Variants in PPP6R3 observed in about 807,000 individuals in gnomAD.
PPP6R3 encodes the protein protein phosphatase 6 regulatory subunit 3.
PPP6R3 carries 38 observed loss-of-function variants against 110.7 expected under a neutral mutation model. The ratio of observed to expected loss-of-function variants is 0.34; its 90% CI spans 0.26 to 0.45. The LOEUF (loss-of-function observed/expected upper bound fraction) is 0.45, where lower values mean the gene tolerates loss of function less well. PPP6R3 is among the 20% of genes least tolerant of loss of function. PPP6R3 has a pLI of 1.00. For missense variants in PPP6R3, 870 were observed against 1,062.4 expected (o/e 0.82, Z 2.52); for synonymous variants, 369 against 373.5 (o/e 0.99, Z 0.14).
intron 5 of PPP6R3, among the ~76,000 whole-genome samples, chr11:68,548,956 T>G (rs1218271253): frequency 6.6e-6 from 1 of 152,176 alleles, no homozygotes; most frequent in Non-Finnish European, 1.5e-5. Flanking sequence ...AGTGGCGTGA[T>G]CTCGGCTCAC....
intron 1 of PPP6R3, among the ~76,000 whole-genome samples, chr11:68,462,604 A>T (rs1031951300): frequency 3.9e-5 from 6 of 152,328 alleles, no homozygotes; most frequent in Non-Finnish European, 7.3e-5. Flanking sequence ...TTCAGCAAAG[A>T]TAGTTTGGGA....
chr11:68,542,097 C>G (rs1348885661), intron 3 of PPP6R3, among the ~76,000 whole-genome samples: 1 of 150,158 alleles, frequency 6.7e-6, no homozygotes, highest in Non-Finnish European at 1.5e-5. Context: ...ACAGAGGAAA[C>G]ACAGCCAGTG....
intron 1 of PPP6R3, among the ~76,000 whole-genome samples, chr11:68,511,606 G>C (rs1484983972): frequency 5.3e-5 from 8 of 151,082 alleles, no homozygotes; most frequent in Middle Eastern, 7.1e-3. Flanking sequence ...TCAGCTTCCT[G>C]AGTAGCTGGG....
At chr11:68,481,656 C>T (rs55975204) in intron 1 of PPP6R3, among the ~76,000 whole-genome samples, 19,792 of 152,204 alleles carry the variant, frequency 0.13, 1,405 homozygotes, top group Admixed American at 0.16. Context: ...AGTCCATTCT[C>T]TGTTTACCAT....
Position 68,474,411 on chromosome 11 carries a change from C to T in PPP6R3, c.-158+13584C>T, listed in dbSNP as rs537235651. On this transcript the variant is annotated intron_variant, in intron 1 of 23. Coordinates refer to ENST00000393800, the MANE Select transcript of PPP6R3 (RefSeq NM_001164161.2). ...TATTTAGAGGAAAGCTCACTTAAAT[C>T]TTTTGTCCTTGCTTTTTTTTCAAAA... Among the ~76,000 whole-genome samples, 3 of 152,188 alleles carry T rather than the reference C, an allele frequency of 2.0e-5. No individual in the cohort carries two copies. In the South Asian group the frequency reaches 6.2e-4, roughly 32 times the overall value.
chr11:68,549,761 A>G (rs1232688532), intron 5 of PPP6R3, among the ~76,000 whole-genome samples: 1 of 152,162 alleles, frequency 6.6e-6, no homozygotes, highest in Non-Finnish European at 1.5e-5. Context: ...CTGGTTTCCA[A>G]AGGAATCAGT....
chr11:68,598,148 A>G (rs755019845), intron 19 of PPP6R3, among the ~76,000 whole-genome samples: 7 of 152,148 alleles, frequency 4.6e-5, no homozygotes, highest in Non-Finnish European at 1.0e-4. Context: ...GGGGTTGACT[A>G]GTCTAGGGAT....
chr11:68,521,509 C>T (rs535225052), intron 2 of PPP6R3, among the ~76,000 whole-genome samples: 12 of 152,254 alleles, frequency 7.9e-5, no homozygotes, highest in African/African-American at 2.6e-4. Context: ...CATCTCTGCT[C>T]GTCAGCATGC....
At chr11:68,573,124 A>ATATATATATATATATATG (rs1593367880) in intron 12 of PPP6R3, among the ~76,000 whole-genome samples, 1 of 62,472 alleles carries the variant, frequency 1.6e-5, no homozygotes, top group East Asian at 4.2e-4. Context: ...TTATATATAT[A>ATATATATATATATATATG]TATATATATA....
rs573066119 is a variant in PPP6R3, at chr11:68,571,343, G to C, written c.1343+239G>C. ...TGAGTTCGGAGTGTTCCCCACCTCTGTGCTGCCTTTGAAACTTCCTGGTCC... is the reference window on the plus strand; with the variant it reads ...TGAGTTCGGAGTGTTCCCCACCTCTCTGCTGCCTTTGAAACTTCCTGGTCC... On this transcript the variant is annotated intron_variant, in intron 12 of 23. Coordinates refer to ENST00000393800, the MANE Select transcript of PPP6R3 (RefSeq NM_001164161.2). 2.3e-4 allele frequency: 107 copies of C among 456,408 alleles called. No homozygotes were observed. In the South Asian group the frequency reaches 3.0e-3, roughly 13 times the overall value. 28.3% of individuals were successfully genotyped at this position (456,408 alleles called of 1,614,324 possible).
At chr11:68,582,338 C>A (rs1307663066) in intron 14 of PPP6R3, among the ~76,000 whole-genome samples, 1 of 152,236 alleles carries the variant, frequency 6.6e-6, no homozygotes, top group Admixed American at 6.5e-5. Flanking sequence ...ATTGTTAATG[C>A]TTCCCCCAAA....
At chr11:68,495,367 C>T (rs2099009178) in intron 1 of PPP6R3, among the ~76,000 whole-genome samples, 1 of 152,212 alleles carries the variant, frequency 6.6e-6, no homozygotes, top group Non-Finnish European at 1.5e-5. Flanking sequence ...ATAACTCACC[C>T]ACTTAACGCA....
At chr11:68,521,405 A>G (rs1407924145) in intron 2 of PPP6R3, among the ~76,000 whole-genome samples, 1 of 151,960 alleles carries the variant, frequency 6.6e-6, no homozygotes, top group Admixed American at 6.6e-5. Context: ...CTCCTTGTTT[A>G]TTTTGTTTTT....
chr11:68,537,653 GTTTAGACCAGCATGT>G lies in PPP6R3; in HGVS notation c.-6-2_7del. On this transcript the variant is annotated splice_acceptor_variant and splice_polypyrimidine_tract_variant and coding_sequence_variant and 5_prime_UTR_variant and intron_variant, in exon 3 of 24. Coordinates refer to ENST00000393800, the MANE Select transcript of PPP6R3 (RefSeq NM_001164161.2). LOFTEE classifies it high-confidence loss of function. The stretch of plus-strand genomic sequence containing the variant: ...TTTTATGAAATACTTTCTGCATTTT[GTTTAGACCAGCATGT>G]TTTGGAAATTTGATCTTCACTCATC... 1 of 1,509,918 alleles carries G rather than the reference GTTTAGACCAGCATGT, an allele frequency of 6.6e-7. No individual in the cohort carries two copies. Among genetic ancestry groups the G allele is most frequent in the Non-Finnish European group, 9.1e-7 (1 of 1,102,300 alleles). The allele number at this position is 1,509,918 out of a possible 1,614,324, so 93.5% of individuals were successfully genotyped here.
chr11:68,498,871 A>G (rs1419164254), intron 1 of PPP6R3, among the ~76,000 whole-genome samples: 1 of 152,224 alleles, frequency 6.6e-6, no homozygotes, highest in Non-Finnish European at 1.5e-5. Context: ...ATAGAGGTAT[A>G]TGTATAGTAG....
At chr11:68,528,886 A>G (rs901584964) in intron 2 of PPP6R3, among the ~76,000 whole-genome samples, 1 of 152,296 alleles carries the variant, frequency 6.6e-6, no homozygotes, top group Admixed American at 6.5e-5. Flanking sequence ...CTCAGCCTCC[A>G]GGTGTCTGGA....
intron 2 of PPP6R3, among the ~76,000 whole-genome samples, chr11:68,532,753 T>G (rs1162308373): frequency 1.3e-5 from 2 of 152,232 alleles, no homozygotes; most frequent in Non-Finnish European, 2.9e-5. Flanking sequence ...GTAGTGTCTG[T>G]TCAGATACAC....
chr11:68,534,174 C>T (rs930897716), intron 2 of PPP6R3, among the ~76,000 whole-genome samples: 2 of 152,290 alleles, frequency 1.3e-5, no homozygotes, highest in Non-Finnish European at 2.9e-5. Context: ...GTCAGCACCT[C>T]ACTGGGCAGG....
intron 2 of PPP6R3, among the ~76,000 whole-genome samples, chr11:68,531,227 G>A (rs1296133764): frequency 1.3e-5 from 2 of 152,042 alleles, no homozygotes; most frequent in East Asian, 1.9e-4. Flanking sequence ...TTTAAAATCA[G>A]GCATCAGCAG....
Sources: gnomAD v4.1 joint callset for allele counts (sites outside exome capture counted in the v4.1 genomes callset) on GRCh38, gnomAD v4.1.1 for gene constraint, MANE v1.5 for transcripts, NCBI Gene and HGNC (gene_info 2026-07-23, HGNC 2026-07-21) for gene names.